The following CLN8 variants were observed in gnomAD, a reference collection of about 807,000 sequenced individuals.
The protein encoded by CLN8 is protein CLN8.
CLN8 carries 14 observed loss-of-function variants against 15.7 expected under a neutral mutation model. The ratio of observed to expected loss-of-function variants is 0.89; its 90% CI spans 0.59 to 1.39. CLN8 has a LOEUF of 1.39. Ranked by LOEUF, CLN8 falls within the 40% of genes most tolerant of loss-of-function variation. The pLI, the probability that CLN8 is intolerant of heterozygous loss-of-function variation, is 0.00. For synonymous variants in CLN8, 188 were observed against 151.0 expected, an observed-to-expected ratio of 1.25 and a Z score of -1.80; for missense variants, 415 against 364.0, an observed-to-expected ratio of 1.14 and a Z score of -1.14.
chr8:1,763,697 G>T (rs1350029524), upstream of CLN8: 1 of 130,948 alleles, frequency 7.6e-6, no homozygotes, highest in Admixed American at 7.3e-5. Context: ...TAGCGCCTAG[G>T]CGGGGCCTCT....
chr8:1,754,905 CT>C (rs1800632653), upstream of CLN8, among the ~76,000 whole-genome samples: 1 of 152,222 alleles, frequency 6.6e-6, no homozygotes, highest in Non-Finnish European at 1.5e-5. Flanking sequence ...GCCGGAAGTT[CT>C]TTCTTCAAAA....
At chr8:1,758,226 T>A (rs779592036) in intron 1 of CLN8, 1 of 152,176 alleles carries the variant, frequency 6.6e-6, no homozygotes, top group African/African-American at 2.4e-5. Context: ...CTATAATGAG[T>A]TCTTTTTCTC....
At chr8:1,760,772 A>G (rs1371836865), upstream of CLN8, among the ~76,000 whole-genome samples, 1 of 152,190 alleles carries the variant, frequency 6.6e-6, no homozygotes, top group East Asian at 1.9e-4. Context: ...GGAGGAACTC[A>G]AGGCAGTCGC....
intron 1 of CLN8, among the ~76,000 whole-genome samples, chr8:1,766,234 C>G (rs558919128): frequency 2.3e-4 from 35 of 152,304 alleles, no homozygotes; most frequent in African/African-American, 8.2e-4. Flanking sequence ...AAATGAAGAT[C>G]TGCAGCGTCA....
At chr8:1,768,870 G>A (rs11136424) in intron 1 of CLN8, among the ~76,000 whole-genome samples, 106,296 of 152,104 alleles carry the variant, frequency 0.7, 37,406 homozygotes, top group South Asian at 0.77. Context: ...TAACAGAAAT[G>A]TGTTTGGAGA....
In CLN8 at chr8:1,780,456, C is replaced by A. The variant is rs777093439; in HGVS notation, c.750C>A (p.Thr250=). 2 of 1,614,210 alleles carry A rather than the reference C, an allele frequency of 1.2e-6. No individual in the cohort carries two copies. The highest frequency in any genetic ancestry group is 3.3e-5 in the Admixed American group (2 of 60,020). The change falls in exon 3 of 3, where the codon ACC becomes ACA. Residue 250 remains threonine, a synonymous_variant. Coordinates refer to ENST00000331222, the MANE Select transcript of CLN8 (RefSeq NM_018941.4). ...CGCTAATCATTAATCCATATTGGAC[C>A]CATAAGAAGACTCAGCAGCTTCTCA... is the stretch of plus-strand genomic sequence containing the variant. ...LLTLIINPYW[T]HKKTQQLLNP...
chr8:1,772,240 T>C (rs1396771992), intron 2 of CLN8, among the ~76,000 whole-genome samples: 3 of 151,862 alleles, frequency 2.0e-5, no homozygotes, highest in African/African-American at 4.8e-5. Context: ...CTGGCCTCTT[T>C]TAATACTTTA....
upstream of CLN8, among the ~76,000 whole-genome samples, chr8:1,753,873 T>C (rs559770459): frequency 1.1e-4 from 16 of 150,170 alleles, no homozygotes; most frequent in Admixed American, 1.0e-3. Flanking sequence ...GTGACAAGAG[T>C]GAACCTCCAT....
chr8:1,754,956 C>A (rs145492394), upstream of CLN8, among the ~76,000 whole-genome samples: 730 of 152,324 alleles, frequency 4.8e-3, 5 homozygotes, highest in African/African-American at 0.017. Context: ...TGCTGCAAAG[C>A]TCCAGAACCC....
rs1225851063 is a variant in CLN8, at chr8:1,779,448, T to C, written c.544-802T>C. Among the ~76,000 whole-genome samples the C allele has an allele frequency of 7.2e-5, 11 of 152,238 alleles. No individual in the cohort carries two copies. The East Asian group carries it at 2.1e-3, about 29-fold the overall frequency. On this transcript the variant is annotated intron_variant, in intron 2 of 2. Transcript: ENST00000331222. ...TTATTAGAAATGGGGCTTCGCCATGTTGGCCAGGCTGGTCTCAAACTTCTG... is the reference window on the plus strand; with the variant it reads ...TTATTAGAAATGGGGCTTCGCCATGCTGGCCAGGCTGGTCTCAAACTTCTG...
In CLN8 at chr8:1,780,540, G is replaced by A. The variant is rs768651279; in HGVS notation, c.834G>A (p.Gly278=). 1.9e-6 allele frequency: 3 copies of A among 1,614,118 alleles called. No homozygotes were observed. The highest frequency in any genetic ancestry group is 1.1e-5 in the South Asian group (1 of 91,078). ...PEAKSRPEGN[G]QLLRKKRP ...CCAAGAGCAGGCCAGAAGGCAACGG[G>A]CAGCTGCTGCGGAAGAAGAGGCCAT... The change falls in exon 3 of 3, where the codon GGG becomes GGA. Residue 278 remains glycine (G), a synonymous_variant. Coordinates refer to ENST00000331222, the MANE Select transcript of CLN8 (RefSeq NM_018941.4).
intron 2 of CLN8, among the ~76,000 whole-genome samples, chr8:1,774,769 G>C (rs1046176811): frequency 2.6e-5 from 4 of 152,228 alleles, no homozygotes; most frequent in South Asian, 2.1e-4. Flanking sequence ...AAGGCAGGCA[G>C]ATCACTTGAG....
At chr8:1,770,108 G>T (rs1212247959) in intron 1 of CLN8, among the ~76,000 whole-genome samples, 2 of 152,182 alleles carry the variant, frequency 1.3e-5, no homozygotes, top group African/African-American at 4.8e-5. Context: ...TGAGTGTTTG[G>T]GGTATGCATC....
At chr8:1,770,889 T>C in intron 1 of CLN8, 43 bp from the exon 2 acceptor site, 1 of 671,674 alleles carries the variant, frequency 1.5e-6, no homozygotes, top group Non-Finnish European at 2.7e-6. Flanking sequence ...GATGTGTCCT[T>C]GTTTCTATCG....
intron 2 of CLN8, among the ~76,000 whole-genome samples, chr8:1,776,819 T>A (rs1326026981): frequency 2.0e-5 from 3 of 152,200 alleles, no homozygotes; most frequent in Admixed American, 6.5e-5. Flanking sequence ...GCCACGCTGT[T>A]CATTTGGCCT....
chr8:1,777,387 C>G (rs375138279), intron 2 of CLN8, among the ~76,000 whole-genome samples: 61 of 152,214 alleles, frequency 4.0e-4, no homozygotes, highest in African/African-American at 1.3e-3. Flanking sequence ...CTGTACTCTC[C>G]TATAGACTTT....
At chr8:1,755,118 G>A (rs1040256863), upstream of CLN8, among the ~76,000 whole-genome samples, 1 of 152,234 alleles carries the variant, frequency 6.6e-6, no homozygotes, top group Non-Finnish European at 1.5e-5. Flanking sequence ...AAATCAAGAC[G>A]TTCGTCATTC....
upstream of CLN8, among the ~76,000 whole-genome samples, chr8:1,755,553 G>A (rs536677932): frequency 1.7e-3 from 262 of 152,278 alleles, 1 homozygote; most frequent in African/African-American, 6.1e-3. Context: ...TGAACACCGT[G>A]TCGCAGGTCC....
At chr8:1,779,883 T>C (rs142856565) in intron 2 of CLN8, 1 of 930,022 alleles carries the variant, frequency 1.1e-6, no homozygotes, top group Non-Finnish European at 1.3e-6. Flanking sequence ...TGTCTGGTTT[T>C]GCCAAATAAG....
Sources: gnomAD v4.1 joint callset for allele counts (sites outside exome capture counted in the v4.1 genomes callset) on GRCh38, gnomAD v4.1.1 for gene constraint, MANE v1.5 for transcripts, NCBI Gene and HGNC (gene_info 2026-07-23, HGNC 2026-07-21) for gene names.